The following UTRN variants were observed in gnomAD, a reference collection of about 807,000 sequenced individuals.
The protein encoded by UTRN is dystrophin-related protein 1.
A neutral mutation model predicts 463.9 loss-of-function variants in UTRN; 283 were observed. That is an observed-to-expected ratio of 0.61 (90% CI 0.55 to 0.67). UTRN has a LOEUF of 0.67. Ranked by LOEUF, UTRN falls within the 30% of genes least tolerant of loss-of-function variation. The pLI is 0.00. For synonymous variants in UTRN, 1,442 were observed against 1,431.5 expected (o/e 1.01, Z -0.17); for missense variants, 3,922 against 4,084.3 (o/e 0.96, Z 1.08).
intron 52 of UTRN, among the ~76,000 whole-genome samples, chr6:144,697,281 G>A (rs1784116427): frequency 6.6e-6 from 1 of 152,084 alleles, no homozygotes; most frequent in Non-Finnish European, 1.5e-5. Flanking sequence ...CCACAGATAT[G>A]TTTGATAAAG....
chr6:144,433,319 A>AC, intron 9 of UTRN, among the ~76,000 whole-genome samples: 1 of 144,132 alleles, frequency 6.9e-6, no homozygotes, highest in South Asian at 2.2e-4. Context: ...GGGGGGCTGA[A>AC]CCCCCCACCT....
intron 46 of UTRN, among the ~76,000 whole-genome samples, chr6:144,545,617 A>T (rs1398465116): frequency 6.6e-6 from 1 of 152,194 alleles, no homozygotes. Flanking sequence ...TCTCCTTCAG[A>T]TATCCCTTTC....
At chr6:144,408,158 G>A (rs1211714261) in intron 3 of UTRN, among the ~76,000 whole-genome samples, 6 of 152,172 alleles carry the variant, frequency 3.9e-5, no homozygotes, top group South Asian at 2.1e-4. Context: ...CATATACCTC[G>A]AATCTGTGAT....
chr6:144,426,963 A>G (rs920634596), intron 7 of UTRN, among the ~76,000 whole-genome samples: 1 of 152,338 alleles, frequency 6.6e-6, no homozygotes, highest in Non-Finnish European at 1.5e-5. Flanking sequence ...AAAGAAACCA[A>G]AACTATGAAG....
chr6:144,333,726 A>G (rs770954729), intron 2 of UTRN, among the ~76,000 whole-genome samples: 9 of 152,208 alleles, frequency 5.9e-5, no homozygotes, highest in Non-Finnish European at 1.2e-4. Context: ...CATCAACAAC[A>G]TGATGAAGCC....
At chr6:144,605,544 C>A (rs1804753499) in intron 51 of UTRN, among the ~76,000 whole-genome samples, 1 of 151,792 alleles carries the variant, frequency 6.6e-6, no homozygotes, top group Non-Finnish European at 1.5e-5. Flanking sequence ...CAAGAGATAA[C>A]CTGTCAATTA....
chr6:144,445,351 C>CAAAAAAA (rs11419379), intron 14 of UTRN, among the ~76,000 whole-genome samples: 6 of 106,500 alleles, frequency 5.6e-5, no homozygotes, highest in African/African-American at 1.9e-4. Flanking sequence ...GACTCCCTCT[C>CAAAAAAA]AAAAAAAAAA....
Position 144,541,989 on chromosome 6 carries a change from A to T in UTRN, c.6520-806A>T, listed in dbSNP as rs558213530. Among the ~76,000 whole-genome samples the T allele has an allele frequency of 2.6e-5, 4 of 152,308 alleles. No individual in the cohort carries two copies. The East Asian group carries it at 5.8e-4, about 22-fold the overall frequency. On this transcript the variant is annotated intron_variant, in intron 45 of 74. Transcript: ENST00000367545. ...CCACTGTAGAATGGAAGGCTGAGGG[A>T]TGTTCTCAGAGATGAGATCCTGGAG... is the stretch of plus-strand genomic sequence containing the variant.
chr6:144,340,443 A>T (rs1405047617), intron 2 of UTRN, among the ~76,000 whole-genome samples: 1 of 152,172 alleles, frequency 6.6e-6, no homozygotes, highest in African/African-American at 2.4e-5. Flanking sequence ...TGTGGGGCTG[A>T]TGCTGCTGGG....
intron 51 of UTRN, among the ~76,000 whole-genome samples, chr6:144,590,872 A>G (rs866213857): frequency 2.3e-4 from 29 of 123,728 alleles, no homozygotes; most frequent in African/African-American, 9.9e-4. Context: ...ACACACACAC[A>G]CACGCACATG....
intron 53 of UTRN, among the ~76,000 whole-genome samples, chr6:144,707,638 A>C (rs564869825): frequency 1.3e-5 from 2 of 152,354 alleles, no homozygotes; most frequent in South Asian, 4.1e-4. Context: ...TATGGGCTCA[A>C]CCTATAGTGT....
chr6:144,577,842 A>C (rs1342786922), intron 51 of UTRN, among the ~76,000 whole-genome samples: 1 of 152,188 alleles, frequency 6.6e-6, no homozygotes, highest in Non-Finnish European at 1.5e-5. Context: ...GAATCTTATG[A>C]AATACGTCTG....
intron 2 of UTRN, among the ~76,000 whole-genome samples, chr6:144,394,230 A>T (rs1189804652): frequency 6.6e-6 from 1 of 152,142 alleles, no homozygotes; most frequent in Non-Finnish European, 1.5e-5. Context: ...GTCTCTTCTT[A>T]TGCTGCTAAT....
intron 51 of UTRN, among the ~76,000 whole-genome samples, chr6:144,606,515 T>C (rs1310364149): frequency 6.6e-6 from 1 of 152,224 alleles, no homozygotes; most frequent in Non-Finnish European, 1.5e-5. Context: ...AGTAAGTATC[T>C]GTTTTCAAGT....
Position 144,453,834 on chromosome 6 carries a change from A to C in UTRN, c.2249A>C (p.Gln750Pro), listed in dbSNP as rs780344814. 5.6e-6 allele frequency: 9 copies of C among 1,613,708 alleles called. No homozygotes were observed. Among genetic ancestry groups the C allele is most frequent in the Non-Finnish European group, 7.6e-6 (9 of 1,179,756 alleles). The change falls in exon 19 of 75, where the codon CAA becomes CCA. Residue 750 changes from glutamine (Q) to proline (P), a missense_variant. Physicochemically the swap from Gln to Pro is moderately conservative, Grantham distance 76 (BLOSUM62 -1). This residue lies in a region of UTRN where 2,349 missense variants were observed against 2,303.8 expected (regional missense o/e 1.02). Coordinates refer to ENST00000367545, the MANE Select transcript of UTRN (RefSeq NM_007124.3). ...ATCCCCAGAGCAGATGAATTAAACCAAACTGGACAAATCCTTGTGGAGCAA... is the reference window on the plus strand; with the variant it reads ...ATCCCCAGAGCAGATGAATTAAACCCAACTGGACAAATCCTTGTGGAGCAA... ...ERIPRADELN[Q>P]TGQILVEQMG...
At chr6:144,579,881 C>T (rs1801798486) in intron 51 of UTRN, among the ~76,000 whole-genome samples, 2 of 152,020 alleles carry the variant, frequency 1.3e-5, no homozygotes, top group Non-Finnish European at 2.9e-5. Flanking sequence ...TTTCACATTA[C>T]GGTAATTCGC....
chr6:144,535,727 T>C (rs1285732761), intron 43 of UTRN, among the ~76,000 whole-genome samples: 2 of 152,208 alleles, frequency 1.3e-5, no homozygotes, highest in Non-Finnish European at 2.9e-5. Flanking sequence ...CAATTTGTTT[T>C]TGTATTGAGT....
intron 42 of UTRN, 46 bp downstream of exon 42, chr6:144,531,248 G>C: frequency 6.4e-7 from 1 of 1,567,344 alleles, no homozygotes; most frequent in Non-Finnish European, 8.7e-7. Flanking sequence ...TATGGTTAGT[G>C]TATGCCTGTT....
At chr6:144,411,643 C>T (rs1224051603) in intron 3 of UTRN, among the ~76,000 whole-genome samples, 1 of 152,092 alleles carries the variant, frequency 6.6e-6, no homozygotes, top group Non-Finnish European at 1.5e-5. Context: ...ATGTGTTTTA[C>T]AGTATTTTAT....
Sources: gnomAD v4.1 joint callset for allele counts (sites outside exome capture counted in the v4.1 genomes callset) on GRCh38, gnomAD v4.1.1 for gene constraint, gnomAD v4.1.1 regional missense constraint, MANE v1.5 for transcripts, NCBI Gene and HGNC (gene_info 2026-07-23, HGNC 2026-07-21) for gene names.